The following GREB1L variants were observed in gnomAD, a reference collection of about 807,000 sequenced individuals.
The protein encoded by GREB1L is GREB1 like retinoic acid receptor coactivator.
A neutral mutation model predicts 200.8 loss-of-function variants in GREB1L; 17 were observed. The observed-to-expected ratio is 0.08, with a 90% CI of 0.06 to 0.13. GREB1L has a LOEUF of 0.13. GREB1L is among the 10% of genes least tolerant of loss of function. The pLI is 1.00. For missense variants in GREB1L, 1,657 were observed against 2,367.7 expected, an observed-to-expected ratio of 0.70 and a Z score of 6.23; for synonymous variants, 789 against 893.0, an observed-to-expected ratio of 0.88 and a Z score of 2.08.
Position 21,477,368 on chromosome 18 carries a change from G to A in GREB1L, c.2556+12G>A. The A allele has an allele frequency of 6.5e-7, 1 of 1,532,812 alleles. No homozygotes were observed. The highest frequency in any genetic ancestry group is 1.2e-5 in the South Asian group (1 of 81,574). The allele number at this position is 1,532,812 out of a possible 1,614,324, so 95.0% of individuals were successfully genotyped here. A position where few individuals can be genotyped will look rare whatever the true frequency, so the allele number is the denominator to read the frequency against. On this transcript the variant is annotated intron_variant, in intron 17 of 32. Transcript: ENST00000424526. ...AGCTGGATACTGGGGTGAGTCTCTT[G>A]CCTGCTGTCTGATACACTGTCATGT...
chr18:21,461,116 G>T, intron 15 of GREB1L, among the ~76,000 whole-genome samples: 1 of 148,186 alleles, frequency 6.7e-6, no homozygotes, highest in African/African-American at 2.5e-5. Flanking sequence ...AAAAGAAAAA[G>T]AAAAAAAACC....
chr18:21,425,317 T>A (rs1226242591), intron 7 of GREB1L, among the ~76,000 whole-genome samples: 1 of 152,242 alleles, frequency 6.6e-6, no homozygotes, highest in African/African-American at 2.4e-5. Context: ...GCATTTGGGT[T>A]ATTTCCATTT....
intron 1 of GREB1L, among the ~76,000 whole-genome samples, chr18:21,256,408 A>G (rs976500574): frequency 1.3e-5 from 2 of 152,152 alleles, no homozygotes; most frequent in Non-Finnish European, 2.9e-5. Flanking sequence ...TCAAGGTGGA[A>G]TAGTAATAGG....
At chr18:21,372,994 A>C (rs1379999753) in intron 2 of GREB1L, among the ~76,000 whole-genome samples, 1 of 151,520 alleles carries the variant, frequency 6.6e-6, no homozygotes, top group Admixed American at 6.6e-5. Flanking sequence ...TGTTTGGCCC[A>C]AGACATTTCT....
At chr18:21,394,316 T>A (rs747007923) in intron 4 of GREB1L, among the ~76,000 whole-genome samples, 3 of 152,220 alleles carry the variant, frequency 2.0e-5, no homozygotes, top group Non-Finnish European at 4.4e-5. Context: ...ATGATTACAG[T>A]GAGTACAGAC....
intron 7 of GREB1L, among the ~76,000 whole-genome samples, chr18:21,430,328 G>A (rs1191852686): frequency 1.3e-5 from 2 of 150,950 alleles, no homozygotes; most frequent in Non-Finnish European, 3.0e-5. Context: ...CCTAGTTTTA[G>A]TAATTTATAT....
chr18:21,272,471 AG>A (rs558084121), intron 1 of GREB1L, among the ~76,000 whole-genome samples: 50 of 152,370 alleles, frequency 3.3e-4, no homozygotes, highest in African/African-American at 1.2e-3. Flanking sequence ...AAATGGATAA[AG>A]GTATTTTTTT....
chr18:21,331,600 G>T (rs1245677844), intron 1 of GREB1L, among the ~76,000 whole-genome samples: 1 of 152,176 alleles, frequency 6.6e-6, no homozygotes, highest in Non-Finnish European at 1.5e-5. Flanking sequence ...AAGGAGTAAT[G>T]AATGAATCTG....
chr18:21,248,422 T>TC (rs1189576911), intron 1 of GREB1L, among the ~76,000 whole-genome samples: 4 of 152,186 alleles, frequency 2.6e-5, no homozygotes, highest in African/African-American at 9.7e-5. Flanking sequence ...CCAGATAACT[T>TC]CCAACCCCTG....
chr18:21,267,134 A>G (rs1015831335), intron 1 of GREB1L, among the ~76,000 whole-genome samples: 4 of 144,070 alleles, frequency 2.8e-5, no homozygotes, highest in East Asian at 4.2e-4. Context: ...GGGTTTCACT[A>G]TGTTGGCCAG....
chr18:21,253,497 C>T (rs1361738271), intron 1 of GREB1L, among the ~76,000 whole-genome samples: 4 of 151,930 alleles, frequency 2.6e-5, no homozygotes, highest in South Asian at 4.1e-4. Flanking sequence ...GTGATCCACC[C>T]GCCTTGGCCT....
At chr18:21,376,107 C>T (rs1481445887) in intron 2 of GREB1L, among the ~76,000 whole-genome samples, 5 of 152,042 alleles carry the variant, frequency 3.3e-5, no homozygotes, top group Non-Finnish European at 5.9e-5. Flanking sequence ...CTCTCTCTCT[C>T]TCTGCTGTAT....
At position 21,499,812 on chromosome 18, in the gene GREB1L, C is replaced by A; in HGVS notation, c.3475C>A (p.Pro1159Thr). 2 of 1,551,898 alleles carry A rather than the reference C, an allele frequency of 1.3e-6. No individual in the cohort carries two copies. The highest frequency in any genetic ancestry group is 2.4e-5 in the South Asian group (2 of 84,062). The change falls in exon 22 of 33, where the codon CCA (proline) becomes ACA (threonine). Residue 1159 changes from proline (P) to threonine (T), a missense_variant. Pro to Thr is a conservative substitution (Grantham distance 38). Transcript: ENST00000424526. ...GTCCCTGACCCCCAGCTTTCAGAGC[C>A]CAGCCACCAGCTTGGGGCTGGATGA... ...KQSLTPSFQS[P>T]ATSLGLDEGV...
intron 12 of GREB1L, 144 bp from the exon 13 acceptor site, chr18:21,450,879 A>G (rs904500249): frequency 1.4e-5 from 9 of 660,788 alleles, no homozygotes; most frequent in Admixed American, 5.9e-5. Flanking sequence ...ATAATTGTCC[A>G]TACCTTTTGA....
rs1440546115 is a variant in GREB1L at position 21,314,850 on chromosome 18, A to G, written c.-119-51177A>G. On this transcript the variant is annotated intron_variant, in intron 1 of 32. Coordinates refer to ENST00000424526, the MANE Select transcript of GREB1L (RefSeq NM_001142966.3). ...TATAGGCTAGATTTGGTGGGAGAGC[A>G]TGGTTTACCCATCCTTGATTTTAAG... 3.3e-5 allele frequency among the ~76,000 whole-genome samples: 5 copies of G among 152,326 alleles called. No individual in the cohort carries two copies. In the East Asian group the frequency reaches 5.8e-4, roughly 18 times the overall value.
At chr18:21,455,434 C>T (rs1446038408) in intron 15 of GREB1L, among the ~76,000 whole-genome samples, 1 of 152,108 alleles carries the variant, frequency 6.6e-6, no homozygotes, top group Admixed American at 6.6e-5. Flanking sequence ...GTAATCCCAG[C>T]ACTTTGGGAG....
Position 21,500,652 on chromosome 18 carries a change from G to C in GREB1L, c.4072+10G>C. Reference sequence around the variant, plus strand: ...GAGGAGATCAACACCGGTGAGTGCTGAGCCCAGGGAGTGGGCAGAGGGGCA... The same window carrying C: ...GAGGAGATCAACACCGGTGAGTGCTCAGCCCAGGGAGTGGGCAGAGGGGCA... On this transcript the variant is annotated intron_variant, in intron 23 of 32. Coordinates refer to ENST00000424526, the MANE Select transcript of GREB1L (RefSeq NM_001142966.3). The C allele has an allele frequency of 6.6e-7, 1 of 1,511,774 alleles. No individual in the cohort carries two copies. The highest frequency in any genetic ancestry group is 8.9e-7 in the Non-Finnish European group (1 of 1,125,816). 93.6% of individuals were successfully genotyped at this position (1,511,774 alleles called of 1,614,324 possible). A position where few individuals can be genotyped will look rare whatever the true frequency, so the allele number is the denominator to read the frequency against.
At chr18:21,477,050 C>T in intron 16 of GREB1L, 114 bp from the exon 17 acceptor site, 4 of 653,592 alleles carry the variant, frequency 6.1e-6, no homozygotes, top group Admixed American at 3.5e-5. Flanking sequence ...TTCTCTGCTC[C>T]CAATTGAAAA....
chr18:21,479,816 C>T (rs1250085028), intron 17 of GREB1L, among the ~76,000 whole-genome samples: 1 of 152,136 alleles, frequency 6.6e-6, no homozygotes, highest in Non-Finnish European at 1.5e-5. Flanking sequence ...TCATGGCTCA[C>T]TGCAGCCTCA....
Sources: gnomAD v4.1 joint callset for allele counts (sites outside exome capture counted in the v4.1 genomes callset) on GRCh38, gnomAD v4.1.1 for gene constraint, MANE v1.5 for transcripts, NCBI Gene and HGNC (gene_info 2026-07-23, HGNC 2026-07-21) for gene names.